Variants in THSD4 observed in about 807,000 individuals in gnomAD.
The protein encoded by THSD4 is thrombospondin type-1 domain-containing protein 4.
In THSD4, 69 loss-of-function variants were observed where a neutral mutation model predicts 119.0. That is an observed-to-expected ratio of 0.58 (90% CI 0.48 to 0.71). The LOEUF is 0.71. Among genes scored for constraint, THSD4 ranks in the 30% least tolerant of loss-of-function variants. The pLI is 0.00. For missense variants in THSD4, 1,393 were observed against 1,391.1 expected, an observed-to-expected ratio of 1.00 and a Z score of -0.02; for synonymous variants, 524 against 540.4, an observed-to-expected ratio of 0.97 and a Z score of 0.42.
At chr15:71,689,414 C>T (rs192660677) in intron 8 of THSD4, among the ~76,000 whole-genome samples, 25 of 152,322 alleles carry the variant, frequency 1.6e-4, no homozygotes, top group African/African-American at 4.6e-4. Flanking sequence ...AACTCTGTGA[C>T]TCTCCTTTCT....
chr15:71,756,095 A>G (rs1399327065), intron 14 of THSD4, among the ~76,000 whole-genome samples: 1 of 152,238 alleles, frequency 6.6e-6, no homozygotes, highest in Non-Finnish European at 1.5e-5. Flanking sequence ...CTAGAAGTCC[A>G]TATGTGACTT....
chr15:71,675,936 G>A (rs2051637816), intron 8 of THSD4, among the ~76,000 whole-genome samples: 1 of 152,110 alleles, frequency 6.6e-6, no homozygotes, highest in African/African-American at 2.4e-5. Context: ...CAGCCATCTT[G>A]CACCCTCCTC....
chr15:71,157,322 A>T (rs2040788265), intron 3 of THSD4, among the ~76,000 whole-genome samples: 1 of 152,214 alleles, frequency 6.6e-6, no homozygotes, highest in Admixed American at 6.5e-5. Flanking sequence ...TAAAATTTTT[A>T]AATTGACACA....
At chr15:71,116,279 C>T (rs539118103) in intron 1 of THSD4, among the ~76,000 whole-genome samples, 1 of 152,390 alleles carries the variant, frequency 6.6e-6, no homozygotes, top group East Asian at 1.9e-4. Flanking sequence ...ACTCTGGACA[C>T]TTCCTCAAGT....
intron 8 of THSD4, among the ~76,000 whole-genome samples, chr15:71,710,102 A>T (rs1566574): frequency 2.0e-5 from 3 of 152,202 alleles, no homozygotes; most frequent in East Asian, 1.9e-4. Flanking sequence ...TCCCATCCTG[A>T]GGGGGCTGAG....
chr15:71,511,995 C>G (rs2048290638), intron 7 of THSD4, among the ~76,000 whole-genome samples: 1 of 152,164 alleles, frequency 6.6e-6, no homozygotes, highest in South Asian at 2.1e-4. Flanking sequence ...TTTGGGCCAT[C>G]TAGGCAATGT....
chr15:71,284,313 T>G (rs909477400), intron 6 of THSD4, among the ~76,000 whole-genome samples: 1 of 152,228 alleles, frequency 6.6e-6, no homozygotes, highest in Non-Finnish European at 1.5e-5. Context: ...TGCTACATTA[T>G]AATAAGTTCT....
intron 2 of THSD4, among the ~76,000 whole-genome samples, chr15:71,147,303 C>T (rs1008730108): frequency 6.6e-6 from 1 of 152,182 alleles, no homozygotes; most frequent in Non-Finnish European, 1.5e-5. Context: ...TGCCTGGGCT[C>T]AAACGATCCT....
At chr15:71,330,930 C>A (rs962630318) in intron 6 of THSD4, among the ~76,000 whole-genome samples, 1 of 152,182 alleles carries the variant, frequency 6.6e-6, no homozygotes, top group Non-Finnish European at 1.5e-5. Flanking sequence ...GGACACTAAC[C>A]CGTTTACCGG....
chr15:71,287,925 C>G (rs2044738549), intron 6 of THSD4, among the ~76,000 whole-genome samples: 1 of 152,154 alleles, frequency 6.6e-6, no homozygotes, highest in East Asian at 1.9e-4. Context: ...TACACTCCCT[C>G]AAATCAATTT....
At chr15:71,460,864 A>G (rs1286770835) in intron 7 of THSD4, among the ~76,000 whole-genome samples, 1 of 152,090 alleles carries the variant, frequency 6.6e-6, no homozygotes, top group Non-Finnish European at 1.5e-5. Context: ...GTTTATACAT[A>G]TTGGTTCTTC....
At chr15:71,487,803 A>G (rs1480158827) in intron 7 of THSD4, among the ~76,000 whole-genome samples, 2 of 151,994 alleles carry the variant, frequency 1.3e-5, no homozygotes, top group East Asian at 1.9e-4. Flanking sequence ...TTTTCTTCCA[A>G]TATATCTTGA....
chr15:71,307,600 C>G (rs1413846075), intron 6 of THSD4, among the ~76,000 whole-genome samples: 1 of 152,102 alleles, frequency 6.6e-6, no homozygotes, highest in African/African-American at 2.4e-5. Flanking sequence ...TGAAACCAGT[C>G]TCTACTAAAA....
chr15:71,436,016 C>A (rs1407539238), intron 7 of THSD4, among the ~76,000 whole-genome samples: 1 of 152,208 alleles, frequency 6.6e-6, no homozygotes, highest in East Asian at 1.9e-4. Context: ...ATCACACCCC[C>A]AGAGGCAGAG....
At chr15:71,256,015 G>A (rs1596296344) in intron 5 of THSD4, among the ~76,000 whole-genome samples, 1 of 152,116 alleles carries the variant, frequency 6.6e-6, no homozygotes, top group Non-Finnish European at 1.5e-5. Context: ...TCAAATTATA[G>A]TGTGCAAAAA....
At chr15:71,539,141 A>G (rs2048725126) in intron 7 of THSD4, among the ~76,000 whole-genome samples, 1 of 152,226 alleles carries the variant, frequency 6.6e-6, no homozygotes, top group African/African-American at 2.4e-5. Flanking sequence ...AGGGAGAGCA[A>G]TCACCAGAAA....
intron 8 of THSD4, among the ~76,000 whole-genome samples, chr15:71,722,598 G>A (rs2052743127): frequency 6.6e-6 from 1 of 152,160 alleles, no homozygotes; most frequent in South Asian, 2.1e-4. Flanking sequence ...GTAAGAAGAA[G>A]TTATAAAAAA....
At chr15:71,146,435 T>G (rs1161736280) in intron 2 of THSD4, among the ~76,000 whole-genome samples, 1 of 150,066 alleles carries the variant, frequency 6.7e-6, no homozygotes, top group African/African-American at 2.5e-5. Context: ...ACACCTAATT[T>G]GCCAGTAGTT....
intron 8 of THSD4, among the ~76,000 whole-genome samples, chr15:71,683,782 C>T (rs1381546531): frequency 6.6e-6 from 1 of 152,138 alleles, no homozygotes; most frequent in Non-Finnish European, 1.5e-5. Flanking sequence ...TGAGAACAAC[C>T]TGGCCAACAG....
Sources: gnomAD v4.1 joint callset for allele counts (sites outside exome capture counted in the v4.1 genomes callset) on GRCh38, gnomAD v4.1.1 for gene constraint, MANE v1.5 for transcripts, NCBI Gene and HGNC (gene_info 2026-07-23, HGNC 2026-07-21) for gene names.